Variants in SUGP2 observed in about 807,000 individuals in gnomAD.
SUGP2 encodes the protein SURP and G-patch domain-containing protein 2.
A neutral mutation model predicts 90.5 loss-of-function variants in SUGP2; 24 were observed. That is an observed-to-expected ratio of 0.27 (90% confidence interval 0.19 to 0.37). The LOEUF (loss-of-function observed/expected upper bound fraction) is 0.37, where lower values mean the gene tolerates loss of function less well. SUGP2 is among the 10% of genes least tolerant of loss of function. The pLI is 1.00. For synonymous variants in SUGP2, 473 were observed against 513.4 expected (o/e 0.92, Z 1.06); for missense variants, 1,233 against 1,363.3 (o/e 0.90, Z 1.51).
At position 19,004,564 on chromosome 19, in the gene SUGP2, A is replaced by T. The variant is rs1468660610; in HGVS notation, c.2533T>A (p.Ser845Thr). Residue 845 changes from serine to threonine, a missense_variant, in exon 7 of 11, where the codon TCA becomes ACA. Coordinates refer to ENST00000452918, the MANE Select transcript of SUGP2 (RefSeq NM_001017392.5). ...CCAGTGTGAAGGTTGTGCGGAGATG[A>T]CGTGAAACAAATTGATGGACATAGT... ...FELCPSICFT[S>T]SPHNLHTGGG... 1 of 1,614,132 alleles carries T rather than the reference A, an allele frequency of 6.2e-7. No individual in the cohort carries two copies. Among genetic ancestry groups the T allele is most frequent in the Non-Finnish European group, 8.5e-7 (1 of 1,180,044 alleles).
At chr19:19,013,793 GC>G (rs149940435) in intron 4 of SUGP2, among the ~76,000 whole-genome samples, 2,440 of 152,258 alleles carry the variant, frequency 0.016, 61 homozygotes, top group African/African-American at 0.055. Flanking sequence ...GTCAGGGCTG[GC>G]CCACTCCCAG....
intron 7 of SUGP2, among the ~76,000 whole-genome samples, chr19:19,002,505 G>GTTTTTT (rs58282570): frequency 2.3e-4 from 14 of 61,100 alleles, no homozygotes; most frequent in South Asian, 8.6e-4. Context: ...TAGCAAGTCT[G>GTTTTTT]TTTTTTTTTT....
intron 2 of SUGP2, among the ~76,000 whole-genome samples, chr19:19,027,123 T>C (rs1417493886): frequency 6.6e-6 from 1 of 151,842 alleles, no homozygotes. Flanking sequence ...CTGTCAAAAA[T>C]AAAAAAGGGC....
chr19:19,033,541 G>A, upstream of SUGP2: 3 of 1,302,982 alleles, frequency 2.3e-6, no homozygotes, highest in Non-Finnish European at 2.9e-6. Flanking sequence ...AACGGTCTCC[G>A]CAGCGCCGCG....
Position 19,024,810 on chromosome 19 carries a change from G to A in SUGP2, c.1538C>T (p.Ala513Val), listed in dbSNP as rs776987703. Residue 513 changes from alanine to valine, a missense_variant, in exon 3 of 11, where the codon GCG becomes GTG. Ala to Val is a moderately conservative substitution (Grantham distance 64). This residue lies in a region of SUGP2 where 540 missense variants were observed against 542.6 expected (regional missense o/e 1.00). Coordinates refer to ENST00000452918, the MANE Select transcript of SUGP2 (RefSeq NM_001017392.5). ...GLQDIAPSPA[A>V]FPNFEDSTLF... ...AGTGGAGTCTTCGAAGTTTGGAAAC[G>A]CAGCAGGTGAGGGAGCTATATCTTG... is the stretch of plus-strand genomic sequence containing the variant. 8.1e-6 allele frequency: 13 copies of A among 1,614,060 alleles called. No individual in the cohort carries two copies. The highest frequency in any genetic ancestry group is 1.7e-5 in the Admixed American group (1 of 59,984).
intron 2 of SUGP2, among the ~76,000 whole-genome samples, chr19:19,029,479 C>A (rs1049465411): frequency 1.3e-5 from 2 of 150,396 alleles, no homozygotes; most frequent in African/African-American, 4.9e-5. Flanking sequence ...CGCTCTGTCG[C>A]CCAGGCTGGA....
chr19:19,015,582 C>A (rs149682557), intron 4 of SUGP2, among the ~76,000 whole-genome samples: 2,958 of 152,252 alleles, frequency 0.019, 36 homozygotes, highest in Non-Finnish European at 0.026. Context: ...TGGCTCACTG[C>A]AACCTCTGCC....
chr19:19,004,141 C>A, intron 7 of SUGP2, 27 bp downstream of exon 7: 1 of 1,506,186 alleles, frequency 6.6e-7, no homozygotes, highest in South Asian at 1.3e-5. Flanking sequence ...GTGCTAGAGG[C>A]AACTGTGCCG....
Position 19,004,502 on chromosome 19 carries a change from C to A in SUGP2, c.2595G>T (p.Val865=), listed in dbSNP as rs778334339. 7 of 1,614,102 alleles carry A rather than the reference C, an allele frequency of 4.3e-6. No homozygotes were observed. The East Asian group carries it at 1.6e-4, about 36-fold the overall frequency. ...GDTTGSQESP[V]DLMEGEAEFE... ...ACTCTGCTTCCCCTTCCATGAGGTC[C>A]ACGGGGCTCTCCTGAGAACCCGTGG... is the stretch of plus-strand genomic sequence containing the variant. Residue 865 remains valine, a synonymous_variant, in exon 7 of 11, where the codon GTG becomes GTT. Coordinates refer to ENST00000452918, the MANE Select transcript of SUGP2 (RefSeq NM_001017392.5).
chr19:19,026,356 T>C (rs371435566), intron 2 of SUGP2, 130 bp from the exon 3 acceptor site: 37 of 846,798 alleles, frequency 4.4e-5, no homozygotes, highest in South Asian at 4.3e-4. Context: ...CTCAGTGCTT[T>C]TTGCCAATCT....
Position 19,004,334 on chromosome 19 carries a change from G to C in SUGP2, c.2763C>G (p.Ala921=). 6.2e-7 allele frequency: 1 copy of C among 1,613,372 alleles called. No individual in the cohort carries two copies. Among genetic ancestry groups the C allele is most frequent in the Non-Finnish European group, 8.5e-7 (1 of 1,179,558 alleles). Residue 921 remains alanine (A), a synonymous_variant, in exon 7 of 11, where the codon GCC becomes GCG. Transcript: ENST00000452918. The stretch of plus-strand genomic sequence containing the variant: ...CGGCAGCCTCGCCGGGAAGGCCGTC[G>C]GCAGGGGTGCTGCCCTCAGACTTGC... ...GAGKSEGSTP[A]DGLPGEAAED... is the part of the protein sequence containing the mutation.
intron 10 of SUGP2, 21 bp downstream of exon 10, chr19:18,994,345 C>T: frequency 1.2e-6 from 2 of 1,612,864 alleles, no homozygotes; most frequent in Non-Finnish European, 8.5e-7. Context: ...GACGGCCTTA[C>T]ACACTGGCCT....
chr19:19,028,335 G>A (rs1358583730), intron 2 of SUGP2, among the ~76,000 whole-genome samples: 1 of 152,216 alleles, frequency 6.6e-6, no homozygotes, highest in African/African-American at 2.4e-5. Flanking sequence ...TTTACTCTGG[G>A]AGAGACAGAA....
Position 19,031,039 on chromosome 19 carries a change from A to G in SUGP2, c.33T>C (p.Phe11=). 1 of 1,613,930 alleles carries G rather than the reference A, an allele frequency of 6.2e-7. No individual in the cohort carries two copies. The highest frequency in any genetic ancestry group is 1.1e-5 in the South Asian group (1 of 91,038). MAARRITQET[F]DAVLQEKAKR... ...TGGCTTTTTCTTGTAATACAGCATC[A>G]AAAGTCTCCTGTGTAATTCGTCTGG... Residue 11 remains phenylalanine (F), a synonymous_variant, in exon 2 of 11, where the codon TTT becomes TTC. Coordinates refer to ENST00000452918, the MANE Select transcript of SUGP2 (RefSeq NM_001017392.5).
At chr19:18,999,591 T>C (rs903584514) in intron 8 of SUGP2, among the ~76,000 whole-genome samples, 2 of 152,128 alleles carry the variant, frequency 1.3e-5, no homozygotes, top group African/African-American at 4.8e-5. Flanking sequence ...GGCACATCAG[T>C]AAGGACTATG....
At chr19:18,993,801 T>TAA in intron 10 of SUGP2, 61 bp from the exon 11 acceptor site, 1 of 137,600 alleles carries the variant, frequency 7.3e-6, no homozygotes, top group Non-Finnish European at 1.6e-5. Flanking sequence ...AGGGGGCAAC[T>TAA]AAAAAAAAAA....
intron 4 of SUGP2, among the ~76,000 whole-genome samples, chr19:19,018,611 C>T (rs920097951): frequency 4.5e-5 from 6 of 132,398 alleles, no homozygotes; most frequent in Admixed American, 9.4e-5. Context: ...GGCATGAACC[C>T]GGGAGGCGGA....
At chr19:19,001,461 TC>T in intron 8 of SUGP2, 151 bp downstream of exon 8, 1 of 788,800 alleles carries the variant, frequency 1.3e-6, no homozygotes, top group Admixed American at 2.3e-5. Flanking sequence ...TCAAAAGCCC[TC>T]CCAAGAGAAA....
rs930990186 is a variant in SUGP2, at chr19:19,024,534, C to G, written c.1729+85G>C. 21 of 1,471,318 alleles carry G rather than the reference C, an allele frequency of 1.4e-5. No individual in the cohort carries two copies. In the Admixed American group the frequency reaches 4.2e-4, roughly 29 times the overall value. 91.1% of individuals were successfully genotyped at this position (1,471,318 alleles called of 1,614,324 possible). ...GATATGTTTCCAATTGGCTAAAGAA[C>G]TTCTGTGTAAAAAAATCTCGAATAA... On this transcript the variant is annotated intron_variant, in intron 3 of 10. Transcript: ENST00000452918.
Sources: gnomAD v4.1 joint callset for allele counts (sites outside exome capture counted in the v4.1 genomes callset) on GRCh38, gnomAD v4.1.1 for gene constraint, gnomAD v4.1.1 regional missense constraint, MANE v1.5 for transcripts, NCBI Gene and HGNC (gene_info 2026-07-23, HGNC 2026-07-21) for gene names.